The following USF2 variants were observed in gnomAD, a reference collection of about 807,000 sequenced individuals.
USF2 encodes the protein upstream transcription factor 2, c-fos interacting.
Under a neutral mutation model 46.9 loss-of-function variants are expected in USF2, and 16 were observed. That is an observed-to-expected ratio of 0.34 (90% confidence interval 0.23 to 0.52). The LOEUF (loss-of-function observed/expected upper bound fraction) is 0.52, where lower values mean the gene tolerates loss of function less well. Ranked by LOEUF, USF2 falls within the 20% of genes least tolerant of loss-of-function variation. The pLI is 0.96. For missense variants in USF2, 411 were observed against 474.0 expected, an observed-to-expected ratio of 0.87 and a Z score of 1.23; for synonymous variants, 239 against 194.1, an observed-to-expected ratio of 1.23 and a Z score of -1.92.
At chr19:35,273,285 A>G (rs563323784) in intron 7 of USF2, among the ~76,000 whole-genome samples, 48 of 152,200 alleles carry the variant, frequency 3.2e-4, no homozygotes, top group Non-Finnish European at 5.9e-4. Context: ...TGGTGACCCC[A>G]TTGCCACATC....
rs1173018115 is a variant in USF2, at chr19:35,279,077, G to T, written c.951+3G>T. Reference sequence around the variant, plus strand: ...ACAACGAGCTCCTGAGGCAGCAGGTGGGTGCGGGGCCTGGAGCGGGTCAGG... The same window carrying T: ...ACAACGAGCTCCTGAGGCAGCAGGTTGGTGCGGGGCCTGGAGCGGGTCAGG... On this transcript the variant is annotated splice_donor_region_variant and intron_variant, in intron 9 of 9. Coordinates refer to ENST00000222305, the MANE Select transcript of USF2 (RefSeq NM_003367.4). 1 of 1,607,632 alleles carries T rather than the reference G, an allele frequency of 6.2e-7. No homozygotes were observed.
chr19:35,269,654 C>T lies in USF2; in HGVS notation c.183C>T (p.Asp61=), dbSNP rs1365044349. ...GCGTCCAGCAGGCGGCGTTCGGCGA[C>T]CACAACATCCAGTACCAGTTCCGCA... ...ITSVQQAAFG[D]HNIQYQFRTE... is the part of the protein sequence containing the mutation. The change falls in exon 3 of 10, where the codon GAC becomes GAT. Residue 61 remains aspartate (D), a synonymous_variant. Transcript: ENST00000222305. The T allele has an allele frequency of 5.6e-6, 9 of 1,597,406 alleles. No individual in the cohort carries two copies. In the Admixed American group the frequency reaches 1.4e-4, roughly 24 times the overall value.
chr19:35,269,875 G>C lies in USF2; in HGVS notation c.301G>C (p.Val101Leu). The change falls in exon 4 of 10, where the codon GTC (valine) becomes CTC (leucine). Residue 101 changes from valine to leucine, a missense_variant. By Grantham distance (32) the Val-to-Leu change is conservative. Transcript: ENST00000222305. ...GQGDTAGAVS[V>L]VSTAAFAGGQ... ...GGGCGACACAGCTGGCGCCGTCAGC[G>C]TCGTGTCCACCGCTGCCTTCGCGGG... 1 of 1,418,354 alleles carries C rather than the reference G, an allele frequency of 7.1e-7. No individual in the cohort carries two copies. Among genetic ancestry groups the C allele is most frequent in the Non-Finnish European group, 9.1e-7 (1 of 1,094,692 alleles). 87.9% of individuals were successfully genotyped at this position (1,418,354 alleles called of 1,614,324 possible). A position where few individuals can be genotyped will look rare whatever the true frequency, so the allele number is the denominator to read the frequency against.
Position 35,271,150 on chromosome 19 carries a change from A to G in USF2, c.727+9A>G. Reference sequence around the variant, plus strand: ...AGCCCAGCACAACGAAGGTGAGGACAAGGTGTGGCTCCGGGTCCCCCTGAC... The same window carrying G: ...AGCCCAGCACAACGAAGGTGAGGACGAGGTGTGGCTCCGGGTCCCCCTGAC... On this transcript the variant is annotated intron_variant, in intron 7 of 9. Transcript: ENST00000222305. 1.2e-6 allele frequency: 2 copies of G among 1,613,926 alleles called. No individual in the cohort carries two copies. The highest frequency in any genetic ancestry group is 1.3e-5 in the African/African-American group (1 of 74,982).
chr19:35,278,051 G>C (rs1287344739), intron 7 of USF2: 1 of 152,306 alleles, frequency 6.6e-6, no homozygotes, highest in African/African-American at 2.4e-5. Context: ...ATAGGATTTG[G>C]GTCTTTCCTG....
intron 1 of USF2, 38 bp downstream of exon 1, chr19:35,269,201 C>T: frequency 1.5e-5 from 15 of 978,652 alleles, no homozygotes; most frequent in Non-Finnish European, 1.8e-5. Flanking sequence ...CGCGCCCCGG[C>T]CCCGGCCCCG....
rs985712629 is a variant in USF2, at chr19:35,269,284, G to A, written c.62+121G>A. 2.0e-5 allele frequency: 18 copies of A among 897,470 alleles called. No individual in the cohort carries two copies. The African/African-American group carries it at 3.4e-4, about 17-fold the overall frequency. 55.6% of individuals were successfully genotyped at this position (897,470 alleles called of 1,614,324 possible). ...GGCCCGGCTCAAAATGGAGGCCGCCGGCGCGGGGGGGACCTGGCGCCTCCC... is the reference window on the plus strand; with the variant it reads ...GGCCCGGCTCAAAATGGAGGCCGCCAGCGCGGGGGGGACCTGGCGCCTCCC... On this transcript the variant is annotated intron_variant, in intron 1 of 9. Transcript: ENST00000222305.
rs372675105 is a variant in USF2 at position 35,269,561 on chromosome 19, C to T, written c.110-20C>T. On this transcript the variant is annotated intron_variant, in intron 2 of 9. Transcript: ENST00000222305. ...CGCTCGGCGCGGCCCTGACCGTGCC[C>T]CGACCCTCCTCGGCCCCAGGCGGGG... 148 of 1,568,720 alleles carry T rather than the reference C, an allele frequency of 9.4e-5. No individual in the cohort carries two copies. The highest frequency in any genetic ancestry group is 1.1e-4 in the Admixed American group (6 of 54,340).
chr19:35,276,681 TAG>T (rs1490451325), intron 7 of USF2, among the ~76,000 whole-genome samples: 1 of 152,186 alleles, frequency 6.6e-6, no homozygotes, highest in Non-Finnish European at 1.5e-5. Flanking sequence ...CTGCCTGCCT[TAG>T]AGTCTTTCTC....
chr19:35,269,552 G>C (rs756001108), intron 2 of USF2, 29 bp from the exon 3 acceptor site: 1 of 1,564,124 alleles, frequency 6.4e-7, no homozygotes, highest in East Asian at 2.4e-5. Context: ...GCGCGGCCCT[G>C]ACCGTGCCCC....
Position 35,278,988 on chromosome 19 carries a change from G to C in USF2, c.865G>C (p.Glu289Gln), listed in dbSNP as rs1173274317. Reference protein sequence around the residue: ...ILSKACDYIRELRQTNQRMQE... With the variant: ...ILSKACDYIRQLRQTNQRMQE... The stretch of plus-strand genomic sequence containing the variant: ...GTCCAAGGCCTGCGATTACATCCGG[G>C]AGTTGCGCCAGACCAACCAGCGCAT... Residue 289 changes from glutamate (E) to glutamine (Q), a missense_variant, in exon 9 of 10, where the codon GAG becomes CAG. Glu to Gln is a conservative substitution (Grantham distance 29). Around this residue, in one of 2 missense-constraint regions of USF2, gnomAD observed 93 missense variants for 151.6 expected, o/e 0.61. Coordinates refer to ENST00000222305, the MANE Select transcript of USF2 (RefSeq NM_003367.4). The C allele has an allele frequency of 6.4e-7, 1 of 1,560,596 alleles. No homozygotes were observed.
intron 1 of USF2, 135 bp from the exon 2 acceptor site, chr19:35,269,311 C>A: frequency 1.2e-6 from 1 of 868,738 alleles, no homozygotes. Context: ...GCGCCTCCCG[C>A]CCCCGGCCCC....
chr19:35,278,675 G>C (rs376349751), intron 7 of USF2, 23 bp from the exon 8 acceptor site: 49 of 1,613,418 alleles, frequency 3.0e-5, no homozygotes, highest in African/African-American at 4.0e-5. Context: ...GCGAAGCCGT[G>C]GCTGTGACTC....
intron 7 of USF2, among the ~76,000 whole-genome samples, chr19:35,272,171 C>A (rs551842833): frequency 6.6e-6 from 1 of 152,134 alleles, no homozygotes; most frequent in Non-Finnish European, 1.5e-5. Flanking sequence ...ACCAGCCCCC[C>A]TTTTGCGTCC....
Position 35,269,125 on chromosome 19 carries a change from G to A in USF2, c.24G>A (p.Leu8=). ...CCATGGACATGCTGGACCCGGGTCT[G>A]GATCCCGCTGCCTCGGCCACCGCTG... MDMLDPG[L]DPAASATAAA... The change falls in exon 1 of 10, where the codon CTG becomes CTA. Residue 8 remains leucine (L), a synonymous_variant. Transcript: ENST00000222305. 1.3e-6 allele frequency: 1 copy of A among 758,938 alleles called. No homozygotes were observed. The highest frequency in any genetic ancestry group is 1.6e-6 in the Non-Finnish European group (1 of 618,982). 47.0% of individuals were successfully genotyped at this position (758,938 alleles called of 1,614,324 possible).
intron 1 of USF2, 24 bp downstream of exon 1, chr19:35,269,187 CCCCCGCGCCCCGGCCCCGGCCCCGG>C (rs1204043329): frequency 1.7e-5 from 17 of 990,130 alleles, no homozygotes; most frequent in South Asian, 8.8e-5. Context: ...CCCGGCCGTG[CCCCCGCGCCCCGGCCCCGGCCCCGG>C]CCCCGCGGCC....
chr19:35,275,453 A>G (rs1378920988), intron 7 of USF2: 1 of 137,476 alleles, frequency 7.3e-6, no homozygotes, highest in Non-Finnish European at 1.6e-5. Flanking sequence ...TTTTTTTCCA[A>G]TTTTCTACTA....
chr19:35,277,544 G>T (rs1461211440), intron 7 of USF2: 2 of 152,224 alleles, frequency 1.3e-5, no homozygotes, highest in Non-Finnish European at 2.9e-5. Flanking sequence ...AGGGTAACGG[G>T]CAGGCTGTGG....
chr19:35,270,791 A>C lies in USF2; in HGVS notation c.654A>C (p.Thr218=). The part of the protein sequence containing the change: ...TGTQRTIAPR[T]HPYSPKIDGT... ...CACAGAGGACGATCGCCCCCCGGAC[A>C]CACCCTTACTCTCCGTATGTGCAGG... Residue 218 remains threonine (T), a synonymous_variant, in exon 6 of 10, where the codon ACA becomes ACC. Coordinates refer to ENST00000222305, the MANE Select transcript of USF2 (RefSeq NM_003367.4). 1 of 1,614,096 alleles carries C rather than the reference A, an allele frequency of 6.2e-7. No individual in the cohort carries two copies. The highest frequency in any genetic ancestry group is 1.1e-5 in the South Asian group (1 of 91,076).
Sources: allele counts gnomAD v4.1 joint callset (sites outside exome capture counted in the v4.1 genomes callset), GRCh38; gene constraint gnomAD v4.1.1; regional missense constraint gnomAD v4.1.1; transcripts MANE v1.5; gene names NCBI Gene and HGNC (gene_info 2026-07-23, HGNC 2026-07-21).